Variants in PPP3CC observed in about 807,000 individuals in gnomAD.
PPP3CC encodes serine/threonine-protein phosphatase 2B catalytic subunit gamma isoform.
A neutral mutation model predicts 60.3 loss-of-function variants in PPP3CC; 35 were observed. That is an observed-to-expected ratio of 0.58 (90% CI 0.44 to 0.77). The LOEUF (loss-of-function observed/expected upper bound fraction) is 0.77, where lower values mean the gene tolerates loss of function less well. Among genes scored for constraint, PPP3CC ranks in the 30% least tolerant of loss-of-function variants. The pLI, the probability that PPP3CC is intolerant of heterozygous loss-of-function variation, is 0.00. For missense variants in PPP3CC, 570 were observed against 628.9 expected (o/e 0.91, Z 1.00); for synonymous variants, 206 against 224.3 (o/e 0.92, Z 0.73).
intron 1 of PPP3CC, among the ~76,000 whole-genome samples, chr8:22,455,452 G>T (rs1175891905): frequency 1.3e-5 from 2 of 152,268 alleles, no homozygotes; most frequent in East Asian, 3.9e-4. Flanking sequence ...GAAGAGGTAA[G>T]ACTTTTGTGT....
chr8:22,447,417 C>G (rs996869518), intron 1 of PPP3CC, among the ~76,000 whole-genome samples: 7 of 151,790 alleles, frequency 4.6e-5, no homozygotes, highest in Admixed American at 3.3e-4. Context: ...CTCCTGACCT[C>G]GTGATCCGCC....
chr8:22,475,440 G>T lies in PPP3CC; in HGVS notation c.248-60G>T, dbSNP rs183036804. On this transcript the variant is annotated intron_variant, in intron 2 of 13. Coordinates refer to ENST00000240139, the MANE Select transcript of PPP3CC (RefSeq NM_005605.5). ...AAGTTAAACTGTGATCCCTTTTGGT[G>T]TAATGCCCTTCGTCTTCTAAGGTAT... The T allele has an allele frequency of 9.9e-5, 151 of 1,526,870 alleles. 2 individuals are homozygous for T. The South Asian group carries it at 1.2e-3, about 12-fold the overall frequency. 94.6% of individuals were successfully genotyped at this position (1,526,870 alleles called of 1,614,324 possible).
At chr8:22,539,307 C>G (rs554166386) in intron 12 of PPP3CC, among the ~76,000 whole-genome samples, 162 bp from the exon 13 acceptor site, 1 of 152,050 alleles carries the variant, frequency 6.6e-6, no homozygotes, top group East Asian at 1.9e-4. Flanking sequence ...TTGAGTCTCT[C>G]GCAATAATCT....
intron 1 of PPP3CC, among the ~76,000 whole-genome samples, chr8:22,446,605 C>T (rs1369304523): frequency 1.3e-5 from 2 of 151,954 alleles, no homozygotes; most frequent in African/African-American, 4.8e-5. Context: ...GGGTGGATCA[C>T]CTGAGGTCCG....
intron 1 of PPP3CC, among the ~76,000 whole-genome samples, chr8:22,448,860 A>G (rs777884730): frequency 5.3e-5 from 8 of 152,178 alleles, no homozygotes; most frequent in Non-Finnish European, 1.0e-4. Context: ...AAGTGGCAAA[A>G]CATTTACTAT....
chr8:22,510,063 A>G (rs1839039776), intron 4 of PPP3CC, among the ~76,000 whole-genome samples: 1 of 151,382 alleles, frequency 6.6e-6, no homozygotes, highest in African/African-American at 2.4e-5. Flanking sequence ...GTGTGCCTGT[A>G]GTCCCAGCTA....
At chr8:22,540,548 CTT>C in intron 13 of PPP3CC, 65 bp from the exon 14 acceptor site, 4 of 1,499,488 alleles carry the variant, frequency 2.7e-6, no homozygotes, top group Non-Finnish European at 3.6e-6. Context: ...TGCTAAGAAA[CTT>C]TTTTTAAGCC....
At chr8:22,526,052 G>A (rs1274126461) in intron 8 of PPP3CC, among the ~76,000 whole-genome samples, 1 of 151,536 alleles carries the variant, frequency 6.6e-6, no homozygotes, top group African/African-American at 2.4e-5. Flanking sequence ...TATTTTAGTA[G>A]AGACGGGGTT....
At chr8:22,533,138 C>T (rs755595585) in intron 12 of PPP3CC, 120 bp downstream of exon 12, 38 of 643,166 alleles carry the variant, frequency 5.9e-5, no homozygotes, top group Non-Finnish European at 8.2e-5. Context: ...ATACCATAAG[C>T]GGGGAAATGA....
At chr8:22,521,674 A>G (rs566508300) in intron 6 of PPP3CC, among the ~76,000 whole-genome samples, 2 of 152,200 alleles carry the variant, frequency 1.3e-5, no homozygotes, top group Non-Finnish European at 2.9e-5. Context: ...ATTTGTTCTA[A>G]TGAGCATAAT....
chr8:22,513,305 A>T lies in PPP3CC; in HGVS notation c.643A>T (p.Thr215Ser). The T allele has an allele frequency of 6.2e-7, 1 of 1,610,946 alleles. No individual in the cohort carries two copies. Among genetic ancestry groups the T allele is most frequent in the Non-Finnish European group, 8.5e-7 (1 of 1,179,104 alleles). Reference sequence around the variant, plus strand: ...GTGTGTCTTCTAGTTAGACAGGTTTACGGAACCTCCCGCCTTTGGACCTGT... The same window carrying T: ...GTGTGTCTTCTAGTTAGACAGGTTTTCGGAACCTCCCGCCTTTGGACCTGT... The part of the protein sequence containing the change: ...LDDIRKLDRF[T>S]EPPAFGPVCD... The change falls in exon 6 of 14, where the codon ACG becomes TCG. Residue 215 changes from threonine (T) to serine (S), a missense_variant. Coordinates refer to ENST00000240139, the MANE Select transcript of PPP3CC (RefSeq NM_005605.5).
At chr8:22,446,787 C>A (rs1425340629) in intron 1 of PPP3CC, among the ~76,000 whole-genome samples, 2 of 104,006 alleles carry the variant, frequency 1.9e-5, no homozygotes, top group African/African-American at 7.9e-5. Context: ...GTCTGGGTGA[C>A]AGAGCAAGAC....
At chr8:22,451,992 A>G (rs1295004715) in intron 1 of PPP3CC, among the ~76,000 whole-genome samples, 3 of 150,652 alleles carry the variant, frequency 2.0e-5, no homozygotes, top group South Asian at 4.2e-4. Context: ...ATATCTGTGA[A>G]TGGGCTCTTT....
At chr8:22,489,653 A>AAGTATATATTATATAT (rs1211875467) in intron 3 of PPP3CC, among the ~76,000 whole-genome samples, 4 of 121,026 alleles carry the variant, frequency 3.3e-5, no homozygotes, top group African/African-American at 5.8e-5. Context: ...AATATACAAT[A>AAGTATATATTATATAT]AGTATATATT....
chr8:22,492,712 G>A (rs757743945), intron 3 of PPP3CC: 7 of 964,756 alleles, frequency 7.3e-6, no homozygotes, highest in South Asian at 1.3e-5. Flanking sequence ...AGAAGAAGGC[G>A]GTTCATAGAA....
At chr8:22,506,121 G>T (rs1163240679) in intron 4 of PPP3CC, among the ~76,000 whole-genome samples, 1 of 152,004 alleles carries the variant, frequency 6.6e-6, no homozygotes, top group African/African-American at 2.4e-5. Flanking sequence ...TTTCAAATGG[G>T]AATTTCATCT....
chr8:22,505,154 G>A (rs1355244295), intron 4 of PPP3CC, among the ~76,000 whole-genome samples: 1 of 151,272 alleles, frequency 6.6e-6, no homozygotes, highest in Admixed American at 6.6e-5. Flanking sequence ...AGCCTCCTGA[G>A]TAGCTGGGAT....
At chr8:22,519,779 T>A (rs1298777449) in intron 6 of PPP3CC, among the ~76,000 whole-genome samples, 7 of 152,134 alleles carry the variant, frequency 4.6e-5, no homozygotes, top group Admixed American at 4.6e-4. Flanking sequence ...CTCAGCCTCC[T>A]GAGTAGCTGG....
In PPP3CC at chr8:22,532,645, G is replaced by A. The variant is rs78821670; in HGVS notation, c.1224-276G>A. On this transcript the variant is annotated intron_variant, in intron 11 of 13. Transcript: ENST00000240139. The stretch of plus-strand genomic sequence containing the variant: ...CTGTAAAGTAATAATAGGCCCTAGC[G>A]CACAGGTTGTTAGGTGTATTAAATG... 2.2e-3 allele frequency among the ~76,000 whole-genome samples: 330 copies of A among 152,182 alleles called. 2 individuals are homozygous for A. Among genetic ancestry groups the A allele is most frequent in the African/African-American group, 7.5e-3 (313 of 41,508 alleles).
Sources: gnomAD v4.1 joint callset for allele counts (sites outside exome capture counted in the v4.1 genomes callset) on GRCh38, gnomAD v4.1.1 for gene constraint, MANE v1.5 for transcripts, NCBI Gene and HGNC (gene_info 2026-07-23, HGNC 2026-07-21) for gene names.